The following OPCML variants were observed in gnomAD, a reference collection of about 807,000 sequenced individuals.
The protein encoded by OPCML is opioid-binding protein/cell adhesion molecule.
OPCML carries 13 observed loss-of-function variants against 37.8 expected under a neutral mutation model. The ratio of observed to expected loss-of-function variants is 0.34; its 90% CI spans 0.22 to 0.55. The LOEUF (loss-of-function observed/expected upper bound fraction) is 0.55, where lower values mean the gene tolerates loss of function less well. Among genes scored for constraint, OPCML ranks in the 20% least tolerant of loss-of-function variants. The pLI is 0.91. For missense variants in OPCML, 341 were observed against 435.6 expected (o/e 0.78, Z 1.93); for synonymous variants, 176 against 168.8 (o/e 1.04, Z -0.33).
At chr11:132,872,868 T>C (rs1209211488) in intron 2 of OPCML, among the ~76,000 whole-genome samples, 1 of 152,172 alleles carries the variant, frequency 6.6e-6, no homozygotes, top group Non-Finnish European at 1.5e-5. Flanking sequence ...TAGCTGAGTA[T>C]CATTAGTTAC....
At chr11:133,353,027 T>C (rs906363507) in intron 1 of OPCML, among the ~76,000 whole-genome samples, 6 of 152,244 alleles carry the variant, frequency 3.9e-5, no homozygotes, top group Non-Finnish European at 8.8e-5. Context: ...GTCGCAGTTA[T>C]AGGCTGTATG....
chr11:132,441,172 T>G (rs1328198052), intron 4 of OPCML, among the ~76,000 whole-genome samples: 14 of 115,070 alleles, frequency 1.2e-4, no homozygotes, highest in East Asian at 2.3e-4. Context: ...TTTGTTTTTT[T>G]TTTTTTTTTT....
At chr11:133,078,796 G>C (rs1174870655) in intron 1 of OPCML, among the ~76,000 whole-genome samples, 1 of 152,174 alleles carries the variant, frequency 6.6e-6, no homozygotes, top group Non-Finnish European at 1.5e-5. Context: ...AATCTTGGCT[G>C]TCACTCCAAA....
At chr11:133,302,451 A>T (rs1942804825) in intron 1 of OPCML, 1 of 152,158 alleles carries the variant, frequency 6.6e-6, no homozygotes, top group Admixed American at 6.5e-5. Context: ...TCCTTTATAA[A>T]TTACCCAGCC....
intron 1 of OPCML, among the ~76,000 whole-genome samples, chr11:133,124,174 A>G (rs1592023521): frequency 8.3e-5 from 1 of 12,102 alleles, no homozygotes; most frequent in Admixed American, 6.0e-4. Flanking sequence ...GGAAATTTAG[A>G]AAAAAAAAAA....
rs1367266149 is a variant in OPCML, at chr11:133,024,507, TA to T, written c.62-81498del. On this transcript the variant is annotated intron_variant, in intron 1 of 7. Transcript: ENST00000524381. Reference sequence around the variant, plus strand: ...TTCACGGGTAATGAGATGTAGAGTTTAAGAAACGCTTATTGCCTGCTGTAAT... The same window carrying T: ...TTCACGGGTAATGAGATGTAGAGTTTAGAAACGCTTATTGCCTGCTGTAAT... The T allele has an allele frequency of 7.1e-6, 7 of 985,384 alleles. No individual in the cohort carries two copies. In the East Asian group the frequency reaches 6.8e-4, roughly 96 times the overall value. 61.0% of individuals were successfully genotyped at this position (985,384 alleles called of 1,614,324 possible).
rs538167759 is a variant in OPCML at position 133,120,237 on chromosome 11, TACAC to T, written c.62-177231_62-177228del. ...TTGTGTGTATACATACAAACACACA[TACAC>T]ACACGCACACACATTTACTGAGCAA... On this transcript the variant is annotated intron_variant, in intron 1 of 7. Transcript: ENST00000524381. Among the ~76,000 whole-genome samples the T allele has an allele frequency of 8.4e-4, 128 of 152,294 alleles. 1 individual carries two copies. The highest frequency in any genetic ancestry group is 4.5e-3 in the Admixed American group (69 of 15,300).
intron 1 of OPCML, among the ~76,000 whole-genome samples, chr11:133,121,128 A>C (rs556465918): frequency 4.6e-5 from 7 of 152,160 alleles, no homozygotes; most frequent in African/African-American, 1.7e-4. Flanking sequence ...CATGTTGGCC[A>C]GGATGGTCTC....
chr11:132,768,083 C>A (rs1297173135), intron 2 of OPCML, among the ~76,000 whole-genome samples: 1 of 152,208 alleles, frequency 6.6e-6, no homozygotes, highest in Non-Finnish European at 1.5e-5. Flanking sequence ...CAAAGGTACA[C>A]GTACACGCTG....
At chr11:132,889,161 C>G (rs1376652879) in intron 2 of OPCML, among the ~76,000 whole-genome samples, 1 of 152,192 alleles carries the variant, frequency 6.6e-6, no homozygotes, top group East Asian at 1.9e-4. Context: ...TTAAAGAGAT[C>G]TCAAGGACAG....
intron 1 of OPCML, among the ~76,000 whole-genome samples, chr11:133,184,450 G>A (rs1937981248): frequency 6.6e-6 from 1 of 152,118 alleles, no homozygotes; most frequent in Non-Finnish European, 1.5e-5. Context: ...GGGAAGGGGT[G>A]GCTGAAAGAG....
At chr11:132,512,083 A>G (rs989042459) in intron 4 of OPCML, among the ~76,000 whole-genome samples, 6 of 152,104 alleles carry the variant, frequency 3.9e-5, no homozygotes, top group African/African-American at 1.4e-4. Context: ...ACAAAATTAG[A>G]TATACCAATG....
At position 133,487,775 on chromosome 11, in the gene OPCML, T is replaced by TTGTG. The variant is rs10625092; in HGVS notation, c.61+44485_61+44488dup. ...TCAATATTGCAGAGATACTCTGTGT[T>TTGTG]TGTGTGTGTGTGTGTGTGTGTGTGT... On this transcript the variant is annotated intron_variant, in intron 1 of 7. Coordinates refer to ENST00000524381, the MANE Select transcript of OPCML (RefSeq NM_001012393.5). 9.2e-3 allele frequency among the ~76,000 whole-genome samples: 1,356 copies of TTGTG among 147,422 alleles called. 8 individuals carry two copies. The highest frequency in any genetic ancestry group is 0.021 in the East Asian group (105 of 5,006).
At chr11:132,513,445 C>T (rs558457363) in intron 4 of OPCML, among the ~76,000 whole-genome samples, 1 of 152,028 alleles carries the variant, frequency 6.6e-6, no homozygotes, top group African/African-American at 2.4e-5. Flanking sequence ...GTTTTCTTAG[C>T]GGGTGTGATC....
chr11:133,360,935 C>T (rs12420944), intron 1 of OPCML: 81,265 of 152,228 alleles, frequency 0.53, 22,119 homozygotes, highest in East Asian at 0.79. Context: ...AATGGTTCTC[C>T]GCAGCATGTG....
At chr11:133,026,688 C>A (rs897816564) in intron 1 of OPCML, 22 of 636,754 alleles carry the variant, frequency 3.5e-5, no homozygotes, top group African/African-American at 2.0e-4. Context: ...CGATAAGGAA[C>A]CTGTGTTTAG....
Position 132,630,789 on chromosome 11 carries a change from C to A in OPCML, c.379+26298G>T, listed in dbSNP as rs566716460. On this transcript the variant is annotated intron_variant, in intron 3 of 7. Coordinates refer to ENST00000524381, the MANE Select transcript of OPCML (RefSeq NM_001012393.5). ...TACTCCTTAGTATAAGAAATAGGAA[C>A]GATGTCCACAAAAAGATTGGCACAA... is the stretch of plus-strand genomic sequence containing the variant. Among the ~76,000 whole-genome samples, 6 of 152,244 alleles carry A rather than the reference C, an allele frequency of 3.9e-5. No homozygotes were observed. The South Asian group carries it at 1.2e-3, about 32-fold the overall frequency.
At chr11:132,890,856 CAAAAAAA>C (rs57246769) in intron 2 of OPCML, among the ~76,000 whole-genome samples, 1 of 46,478 alleles carries the variant, frequency 2.2e-5, no homozygotes, top group African/African-American at 6.5e-5. Context: ...GACTCCATCT[CAAAAAAA>C]AAAAAAAAAA....
At chr11:132,460,672 G>T (rs2096098376) in intron 4 of OPCML, among the ~76,000 whole-genome samples, 1 of 152,188 alleles carries the variant, frequency 6.6e-6, no homozygotes, top group African/African-American at 2.4e-5. Flanking sequence ...TTTTGCAGAA[G>T]CAAATAATCA....
Sources: gnomAD v4.1 joint callset for allele counts (sites outside exome capture counted in the v4.1 genomes callset) on GRCh38, gnomAD v4.1.1 for gene constraint, MANE v1.5 for transcripts, NCBI Gene and HGNC (gene_info 2026-07-23, HGNC 2026-07-21) for gene names.